Variants in PIANP observed in about 807,000 individuals in gnomAD.
The protein encoded by PIANP is PILR alpha associated neural protein, also known as PILR alpha-associated neural protein.
A neutral mutation model predicts 28.9 loss-of-function variants in PIANP; 14 were observed. The observed-to-expected ratio is 0.49, with a 90% CI of 0.32 to 0.76. The LOEUF is 0.76. Ranked by LOEUF, PIANP falls within the 30% of genes least tolerant of loss-of-function variation. The pLI is 0.03. For synonymous variants in PIANP, 149 were observed against 156.6 expected (o/e 0.95, Z 0.36); for missense variants, 322 against 371.8 (o/e 0.87, Z 1.10).
rs377156594 is a variant in PIANP at position 6,695,696 on chromosome 12, C to G, written c.606-45G>C. On this transcript the variant is annotated intron_variant, in intron 4 of 4. Coordinates refer to ENST00000534837, the MANE Select transcript of PIANP (RefSeq NM_001244014.2). The surrounding 1 kb of genome is among the most constrained non-coding windows in gnomAD (Gnocchi z 4.2). ...GAGGTTCTCTTGCACACTCAAGTAG[C>G]CCCCATCCTGGGCCTGCACCAGTGG... 8.2e-4 allele frequency: 1,171 copies of G among 1,425,780 alleles called. No individual in the cohort carries two copies. Among genetic ancestry groups the G allele is most frequent in the Non-Finnish European group, 9.7e-4 (1,051 of 1,084,358 alleles). The allele number at this position is 1,425,780 out of a possible 1,614,324, so 88.3% of individuals were successfully genotyped here.
At position 6,695,242 on chromosome 12, in the gene PIANP, C is replaced by T; in HGVS notation, c.*184G>A. On this transcript the variant is annotated 3_prime_UTR_variant, in exon 5 of 5. Coordinates refer to ENST00000534837, the MANE Select transcript of PIANP (RefSeq NM_001244014.2). The surrounding 1 kb of genome is among the most constrained non-coding windows in gnomAD (Gnocchi z 4.2). ...GGCAGCAGAGAATAGGACACAGATCCTGAGAGACTGGGAGAAGGAAGGGTG... is the reference window on the plus strand; with the variant it reads ...GGCAGCAGAGAATAGGACACAGATCTTGAGAGACTGGGAGAAGGAAGGGTG... The T allele has an allele frequency of 7.1e-7, 1 of 1,407,016 alleles. No homozygotes were observed. Among genetic ancestry groups the T allele is most frequent in the Non-Finnish European group, 9.3e-7 (1 of 1,073,628 alleles). 87.2% of individuals were successfully genotyped at this position (1,407,016 alleles called of 1,614,324 possible).
In PIANP at chr12:6,697,703, G is replaced by C; in HGVS notation, c.107C>G (p.Pro36Arg). The change falls in exon 3 of 5, where the codon CCT (proline) becomes CGT (arginine). Residue 36 changes from proline (P) to arginine (R), a missense_variant. Physicochemically the swap from Pro to Arg is moderately radical, Grantham distance 103. Transcript: ENST00000534837. This position sits in a 1 kb window ranked among gnomAD's most constrained non-coding sequence, Gnocchi z 6.9. ...GCGGGCTGGGGCTGGTGGGGTTCGA[G>C]GGGAGGATGAAGAGCCCTGAGCAGG... ...PPPAQGSSSS[P>R]RTPPAPARPP... 6.4e-7 allele frequency: 1 copy of C among 1,557,514 alleles called. No homozygotes were observed. The highest frequency in any genetic ancestry group is 2.4e-5 in the East Asian group (1 of 42,242).
chr12:6,697,523 C>G lies in PIANP; in HGVS notation c.287G>C (p.Gly96Ala), dbSNP rs746448916. The G allele has an allele frequency of 6.2e-7, 1 of 1,612,026 alleles. No homozygotes were observed. The highest frequency in any genetic ancestry group is 8.5e-7 in the Non-Finnish European group (1 of 1,179,046). The change falls in exon 3 of 5, where the codon GGG (glycine) becomes GCG (alanine). Residue 96 changes from glycine to alanine, a missense_variant. Transcript: ENST00000534837. The surrounding 1 kb of genome is among the most constrained non-coding windows in gnomAD (Gnocchi z 6.9). The part of the protein sequence containing the change: ...PPATPSGFEE[G>A]PPSSQYPWAI... ...CCAGGGGTATTGGGATGAGGGCGGC[C>G]CCTCCTCAAAGCCTGATGGGGTGGC...
At chr12:6,692,788 C>T (rs934325122), downstream of PIANP, among the ~76,000 whole-genome samples, 2 of 152,188 alleles carry the variant, frequency 1.3e-5, no homozygotes, top group African/African-American at 4.8e-5. Flanking sequence ...CTCTTCCTGG[C>T]ACTCAGCATT....
At chr12:6,698,851 G>A (rs1959960695) in intron 1 of PIANP, among the ~76,000 whole-genome samples, 1 of 152,114 alleles carries the variant, frequency 6.6e-6, no homozygotes, top group South Asian at 2.1e-4. Context: ...GAAAGAGAAA[G>A]GGTGTGTTCT....
At position 6,695,378 on chromosome 12, in the gene PIANP, A is replaced by G; in HGVS notation, c.*48T>C. On this transcript the variant is annotated 3_prime_UTR_variant, in exon 5 of 5. Coordinates refer to ENST00000534837, the MANE Select transcript of PIANP (RefSeq NM_001244014.2). The surrounding 1 kb of genome is among the most constrained non-coding windows in gnomAD (Gnocchi z 4.2). Reference sequence around the variant, plus strand: ...GGGCACCCCCACCCCAGCTCTGAAGACCTAAGTTGCCTTCCCTCTTTGCCC... The same window carrying G: ...GGGCACCCCCACCCCAGCTCTGAAGGCCTAAGTTGCCTTCCCTCTTTGCCC... The G allele has an allele frequency of 7.0e-7, 1 of 1,426,148 alleles. No individual in the cohort carries two copies. Among genetic ancestry groups the G allele is most frequent in the East Asian group, 2.6e-5 (1 of 38,792 alleles). 88.3% of individuals were successfully genotyped at this position (1,426,148 alleles called of 1,614,324 possible). A position where few individuals can be genotyped will look rare whatever the true frequency, so the allele number is the denominator to read the frequency against.
intron 1 of PIANP, among the ~76,000 whole-genome samples, chr12:6,699,168 T>C (rs921212467): frequency 1.3e-5 from 2 of 152,124 alleles, no homozygotes; most frequent in African/African-American, 4.8e-5. Context: ...CCCTTGAACC[T>C]GGGAGGCGGA....
In PIANP at chr12:6,695,211, G is replaced by A. The variant is rs1051680750; in HGVS notation, c.*215C>T. On this transcript the variant is annotated 3_prime_UTR_variant, in exon 5 of 5. Coordinates refer to ENST00000534837, the MANE Select transcript of PIANP (RefSeq NM_001244014.2). The surrounding 1 kb of genome is among the most constrained non-coding windows in gnomAD (Gnocchi z 4.2). ...AAAAACCAAAGAGGGCAGAGTTGGA[G>A]TTATGGGCAGCAGAGAATAGGACAC... 18 of 1,448,152 alleles carry A rather than the reference G, an allele frequency of 1.2e-5. No individual in the cohort carries two copies. Among genetic ancestry groups the A allele is most frequent in the Non-Finnish European group, 1.6e-5 (17 of 1,093,792 alleles). The allele number at this position is 1,448,152 out of a possible 1,614,324, so 89.7% of individuals were successfully genotyped here.
chr12:6,697,199 G>T lies in PIANP; in HGVS notation c.523+88C>A. 1 of 1,534,322 alleles carries T rather than the reference G, an allele frequency of 6.5e-7. No homozygotes were observed. The highest frequency in any genetic ancestry group is 8.8e-7 in the Non-Finnish European group (1 of 1,140,524). ...AGTGCCTGACACATTTGTTGAAGGA[G>T]CTAACAGACAAGGCCTCTATTTCTG... is the stretch of plus-strand genomic sequence containing the variant. On this transcript the variant is annotated intron_variant, in intron 3 of 4. Transcript: ENST00000534837. This position sits in a 1 kb window ranked among gnomAD's most constrained non-coding sequence, Gnocchi z 6.9.
Position 6,695,076 on chromosome 12 carries a change from G to A in PIANP, c.*350C>T. On this transcript the variant is annotated 3_prime_UTR_variant, in exon 5 of 5. Coordinates refer to ENST00000534837, the MANE Select transcript of PIANP (RefSeq NM_001244014.2). This position sits in a 1 kb window ranked among gnomAD's most constrained non-coding sequence, Gnocchi z 4.2. ...GGGAATCCTGAGAGGAAGAGGGAAAGGGCACAGTCAGGAACCAAGGGGTAG... is the reference window on the plus strand; with the variant it reads ...GGGAATCCTGAGAGGAAGAGGGAAAAGGCACAGTCAGGAACCAAGGGGTAG... The A allele has an allele frequency of 6.3e-7, 1 of 1,574,912 alleles. No individual in the cohort carries two copies. Among genetic ancestry groups the A allele is most frequent in the Non-Finnish European group, 8.6e-7 (1 of 1,159,698 alleles).
chr12:6,695,519 A>G lies in PIANP; in HGVS notation c.738T>C (p.Pro246=), dbSNP rs1959830208. ...GCTCCTCATGGTCAGGGGTGGGGGTAGGTGAGTCCCCGAAGGCCCCCAGCA... is the reference window on the plus strand; with the variant it reads ...GCTCCTCATGGTCAGGGGTGGGGGTGGGTGAGTCCCCGAAGGCCCCCAGCA... ...VTVLGAFGDS[P]TPTPDHEEPR... Residue 246 remains proline (P), a synonymous_variant, in exon 5 of 5, where the codon CCT becomes CCC. Coordinates refer to ENST00000534837, the MANE Select transcript of PIANP (RefSeq NM_001244014.2). This position sits in a 1 kb window ranked among gnomAD's most constrained non-coding sequence, Gnocchi z 4.2. 1 of 1,576,838 alleles carries G rather than the reference A, an allele frequency of 6.3e-7. No individual in the cohort carries two copies. The highest frequency in any genetic ancestry group is 8.6e-7 in the Non-Finnish European group (1 of 1,160,064).
In PIANP at chr12:6,700,256, C is replaced by A. The variant is rs1466700547; in HGVS notation, c.-44+358G>T. 1 of 152,388 alleles carries A rather than the reference C, an allele frequency of 6.6e-6. No homozygotes were observed. The allele number at this position is 152,388 out of a possible 1,614,324, so 9.4% of individuals were successfully genotyped here. On this transcript the variant is annotated intron_variant, in intron 1 of 4. Transcript: ENST00000534837. This position sits in a 1 kb window ranked among gnomAD's most constrained non-coding sequence, Gnocchi z 5.5. The stretch of plus-strand genomic sequence containing the variant: ...GCAGGCCCGCACTCCCCGCACAGGG[C>A]TGGAGAGCGGCGAGAGTGGGGGGAG...
chr12:6,695,625 C>A lies in PIANP; in HGVS notation c.632G>T (p.Arg211Ile). The A allele has an allele frequency of 1.3e-6, 2 of 1,547,718 alleles. No homozygotes were observed. The highest frequency in any genetic ancestry group is 1.7e-6 in the Non-Finnish European group (2 of 1,146,606). Residue 211 changes from arginine to isoleucine, a missense_variant, in exon 5 of 5, where the codon AGA (arginine) becomes ATA (isoleucine). Arg to Ile is a moderately conservative substitution (Grantham distance 97). Coordinates refer to ENST00000534837, the MANE Select transcript of PIANP (RefSeq NM_001244014.2). The surrounding 1 kb of genome is among the most constrained non-coding windows in gnomAD (Gnocchi z 4.2). ...CAGGGCACCTTGCTGCCCTGAGGGT[C>A]TGCGTCGCTTCTGGCTGCGGTCCCA... The part of the protein sequence containing the change: ...FCWDRSQKRR[R>I]PSGQQGALRQ...
At chr12:6,692,646 C>T (rs75214336), downstream of PIANP, among the ~76,000 whole-genome samples, 288 of 152,292 alleles carry the variant, frequency 1.9e-3, 1 homozygote, top group African/African-American at 6.6e-3. Context: ...GCTTGTTTGC[C>T]GGGCACCTCT....
Position 6,696,366 on chromosome 12 carries a change from A to C in PIANP, c.605+77T>G, listed in dbSNP as rs1022620242. The C allele has an allele frequency of 3.6e-6, 4 of 1,104,226 alleles. No homozygotes were observed. The highest frequency in any genetic ancestry group is 3.2e-5 in the African/African-American group (2 of 61,646). The allele number at this position is 1,104,226 out of a possible 1,614,324, so 68.4% of individuals were successfully genotyped here. A position where few individuals can be genotyped will look rare whatever the true frequency, so the allele number is the denominator to read the frequency against. On this transcript the variant is annotated intron_variant, in intron 4 of 4. Transcript: ENST00000534837. The surrounding 1 kb of genome is among the most constrained non-coding windows in gnomAD (Gnocchi z 4.0). The stretch of plus-strand genomic sequence containing the variant: ...CCCACCCCCCAGCAAAATTGCTGCC[A>C]CTGCCCCTCGTGGTTAGAGCCTCGA...
chr12:6,695,109 T>C lies in PIANP; in HGVS notation c.*317A>G. ...TCAGGAACCAAGGGGTAGGCCAGAATAGAAGGGGAAGTTCAAGACAAAGAG... is the reference window on the plus strand; with the variant it reads ...TCAGGAACCAAGGGGTAGGCCAGAACAGAAGGGGAAGTTCAAGACAAAGAG... On this transcript the variant is annotated 3_prime_UTR_variant, in exon 5 of 5. Transcript: ENST00000534837. This position sits in a 1 kb window ranked among gnomAD's most constrained non-coding sequence, Gnocchi z 4.2. The C allele has an allele frequency of 6.5e-7, 1 of 1,550,206 alleles. No individual in the cohort carries two copies. Among genetic ancestry groups the C allele is most frequent in the South Asian group, 1.2e-5 (1 of 83,210 alleles).
In PIANP at chr12:6,693,798, CA is replaced by C. The variant is rs1959757128; in HGVS notation, c.*1627del. The C allele has an allele frequency of 6.6e-6, 1 of 152,586 alleles. No homozygotes were observed. The highest frequency in any genetic ancestry group is 1.5e-5 in the Non-Finnish European group (1 of 68,088). 9.5% of individuals were successfully genotyped at this position (152,586 alleles called of 1,614,324 possible). On this transcript the variant is annotated 3_prime_UTR_variant, in exon 5 of 5. Coordinates refer to ENST00000534837, the MANE Select transcript of PIANP (RefSeq NM_001244014.2). Reference sequence around the variant, plus strand: ...AGAACCAGGGGACTCGAGTATCTTGCAAAGGCTTTATTTGAAAATTTTGAAA... The same window carrying C: ...AGAACCAGGGGACTCGAGTATCTTGCAAGGCTTTATTTGAAAATTTTGAAA...
At chr12:6,699,305 ATGGG>A (rs1959976926) in intron 1 of PIANP, among the ~76,000 whole-genome samples, 3 of 152,290 alleles carry the variant, frequency 2.0e-5, no homozygotes, top group Admixed American at 2.0e-4. Flanking sequence ...AGGGAACAAG[ATGGG>A]AAAGTCACGG....
chr12:6,697,811 C>T lies in PIANP; in HGVS notation c.18-19G>A, dbSNP rs540288007. Reference sequence around the variant, plus strand: ...CGCAGGCCTGCAAGAAGGGAGAGAGCGTGGCTGAGACACAGGCCTACTGTG... The same window carrying T: ...CGCAGGCCTGCAAGAAGGGAGAGAGTGTGGCTGAGACACAGGCCTACTGTG... On this transcript the variant is annotated intron_variant, in intron 2 of 4. Transcript: ENST00000534837. This position sits in a 1 kb window ranked among gnomAD's most constrained non-coding sequence, Gnocchi z 6.9. 41 of 1,515,628 alleles carry T rather than the reference C, an allele frequency of 2.7e-5. No homozygotes were observed. In the South Asian group the frequency reaches 2.7e-4, roughly 10 times the overall value. 93.9% of individuals were successfully genotyped at this position (1,515,628 alleles called of 1,614,324 possible).
Sources: allele counts gnomAD v4.1 joint callset (sites outside exome capture counted in the v4.1 genomes callset), GRCh38; gene constraint gnomAD v4.1.1; non-coding constraint Gnocchi (gnomAD v3.1); transcripts MANE v1.5; gene names NCBI Gene and HGNC (gene_info 2026-07-23, HGNC 2026-07-21).